The following GPC6 variants were observed in gnomAD, a reference collection of about 807,000 sequenced individuals.
GPC6 encodes glypican-6.
A neutral mutation model predicts 55.2 loss-of-function variants in GPC6; 14 were observed. That is an observed-to-expected ratio of 0.25 (90% CI 0.17 to 0.40). GPC6 has a LOEUF of 0.40. Ranked by LOEUF, GPC6 falls within the 10% of genes least tolerant of loss-of-function variation. The pLI, the probability that GPC6 is intolerant of heterozygous loss-of-function variation, is 1.00. For synonymous variants in GPC6, 278 were observed against 259.6 expected, an observed-to-expected ratio of 1.07 and a Z score of -0.68; for missense variants, 641 against 708.5, an observed-to-expected ratio of 0.90 and a Z score of 1.08.
At chr13:93,755,288 C>A (rs1884730701) in intron 2 of GPC6, among the ~76,000 whole-genome samples, 1 of 137,134 alleles carries the variant, frequency 7.3e-6, no homozygotes, top group Non-Finnish European at 1.5e-5. Flanking sequence ...AGGAAGCATC[C>A]TCCTTCAGTG....
At chr13:93,302,181 G>A (rs999901321) in intron 1 of GPC6, among the ~76,000 whole-genome samples, 12 of 152,156 alleles carry the variant, frequency 7.9e-5, no homozygotes, top group Non-Finnish European at 1.5e-4. Context: ...CTAGTGAGAT[G>A]TTACTATTTT....
At chr13:94,323,920 C>T (rs1432655284) in intron 6 of GPC6, among the ~76,000 whole-genome samples, 2 of 152,184 alleles carry the variant, frequency 1.3e-5, no homozygotes, top group Non-Finnish European at 2.9e-5. Flanking sequence ...CTTCCTGCTG[C>T]AGCATTTAAG....
At chr13:93,669,663 G>A (rs1881280194) in intron 2 of GPC6, among the ~76,000 whole-genome samples, 1 of 152,096 alleles carries the variant, frequency 6.6e-6, no homozygotes, top group African/African-American at 2.4e-5. Context: ...TGAGGCCTGT[G>A]GGATGGGCAG....
chr13:93,514,931 C>T (rs1340196473), intron 1 of GPC6, among the ~76,000 whole-genome samples: 1 of 152,188 alleles, frequency 6.6e-6, no homozygotes, highest in African/African-American at 2.4e-5. Flanking sequence ...TTGCTATGGG[C>T]TGAATATTTG....
upstream of GPC6, among the ~76,000 whole-genome samples, chr13:93,225,239 G>C (rs770826093): frequency 6.6e-6 from 1 of 152,174 alleles, no homozygotes; most frequent in Non-Finnish European, 1.5e-5. Context: ...AAGTTTGAAG[G>C]AAGTCACGTT....
chr13:93,876,460 TC>T (rs1158302583), intron 3 of GPC6, among the ~76,000 whole-genome samples: 1 of 152,074 alleles, frequency 6.6e-6, no homozygotes, highest in Non-Finnish European at 1.5e-5. Context: ...ACGTCACTGT[TC>T]TATGACCTGG....
chr13:93,788,406 T>C (rs1181599419), intron 2 of GPC6, among the ~76,000 whole-genome samples: 1 of 152,004 alleles, frequency 6.6e-6, no homozygotes, highest in African/African-American at 2.4e-5. Flanking sequence ...ATATTTCACA[T>C]TGGCAATACC....
chr13:93,619,556 A>G lies in GPC6; in HGVS notation c.319+74135A>G, dbSNP rs564681237. 2.0e-5 allele frequency among the ~76,000 whole-genome samples: 3 copies of G among 152,030 alleles called. No individual in the cohort carries two copies. The South Asian group carries it at 6.2e-4, about 32-fold the overall frequency. ...TAACCTTCAACTCTGGACTCAAATGATCCTCTTGCCTCAGCCACTTGAGAA... is the reference window on the plus strand; with the variant it reads ...TAACCTTCAACTCTGGACTCAAATGGTCCTCTTGCCTCAGCCACTTGAGAA... On this transcript the variant is annotated intron_variant, in intron 2 of 8. Coordinates refer to ENST00000377047, the MANE Select transcript of GPC6 (RefSeq NM_005708.5).
chr13:93,964,209 C>T (rs1234411049), intron 3 of GPC6, among the ~76,000 whole-genome samples: 1 of 152,132 alleles, frequency 6.6e-6, no homozygotes, highest in Non-Finnish European at 1.5e-5. Context: ...TCAGGTTTAG[C>T]TGTGAATGTT....
chr13:93,554,395 G>T (rs756369837), intron 2 of GPC6, among the ~76,000 whole-genome samples: 3 of 151,906 alleles, frequency 2.0e-5, no homozygotes, highest in Non-Finnish European at 4.4e-5. Flanking sequence ...TTATTATTGC[G>T]CTGGAAATGA....
At chr13:93,748,467 A>G (rs1176472717) in intron 2 of GPC6, among the ~76,000 whole-genome samples, 2 of 151,654 alleles carry the variant, frequency 1.3e-5, no homozygotes, top group Admixed American at 6.6e-5. Context: ...AAAGTTTATC[A>G]CTCAATTTTT....
At chr13:94,058,616 G>A (rs1257423983) in intron 4 of GPC6, among the ~76,000 whole-genome samples, 1 of 152,096 alleles carries the variant, frequency 6.6e-6, no homozygotes, top group African/African-American at 2.4e-5. Flanking sequence ...AACCATCAAA[G>A]CCTGTTTTTA....
chr13:93,709,363 A>T (rs902922417), intron 2 of GPC6, among the ~76,000 whole-genome samples: 2 of 151,708 alleles, frequency 1.3e-5, no homozygotes, highest in African/African-American at 4.8e-5. Context: ...CCGTATAGAG[A>T]TTGAGAACAT....
the GPC6 span, among the ~76,000 whole-genome samples, chr13:93,219,219 G>C: frequency 1.3e-5 from 2 of 151,504 alleles, no homozygotes; most frequent in African/African-American, 4.9e-5. Context: ...TTAGCCTCCC[G>C]AGTAGCTGGG....
chr13:93,265,669 G>A (rs572395671), intron 1 of GPC6, among the ~76,000 whole-genome samples: 69 of 152,306 alleles, frequency 4.5e-4, no homozygotes, highest in Middle Eastern at 3.4e-3. Context: ...AGGGTACTCA[G>A]CTTACACTGG....
At chr13:94,343,151 C>A (rs1690586840) in intron 6 of GPC6, among the ~76,000 whole-genome samples, 1 of 152,154 alleles carries the variant, frequency 6.6e-6, no homozygotes, top group Admixed American at 6.5e-5. Flanking sequence ...TCATCCACTT[C>A]GAGGGCAGGC....
intron 3 of GPC6, among the ~76,000 whole-genome samples, chr13:94,001,662 A>C (rs1477011876): frequency 1.3e-5 from 2 of 152,190 alleles, no homozygotes; most frequent in Non-Finnish European, 2.9e-5. Flanking sequence ...TCAAAACAGG[A>C]CCAAAATAGA....
chr13:93,528,297 CTT>C (rs1881729136), intron 1 of GPC6, among the ~76,000 whole-genome samples: 1 of 152,156 alleles, frequency 6.6e-6, no homozygotes, highest in African/African-American at 2.4e-5. Context: ...AAGTGGCTAA[CTT>C]TGAGTAAGCA....
intron 2 of GPC6, among the ~76,000 whole-genome samples, chr13:93,808,004 G>T (rs1037880550): frequency 6.6e-6 from 1 of 152,116 alleles, no homozygotes; most frequent in South Asian, 2.1e-4. Context: ...GAGTAGATGG[G>T]TGACTTAGAC....
Sources: gnomAD v4.1 joint callset for allele counts (sites outside exome capture counted in the v4.1 genomes callset) on GRCh38, gnomAD v4.1.1 for gene constraint, MANE v1.5 for transcripts, NCBI Gene and HGNC (gene_info 2026-07-23, HGNC 2026-07-21) for gene names.